SCFD2: variants seen among roughly 807,000 people sequenced by gnomAD.
SCFD2 encodes sec1 family domain containing 2, also known as sec1 family domain-containing protein 2.
SCFD2 carries 54 observed loss-of-function variants against 58.9 expected under a neutral mutation model. The ratio of observed to expected loss-of-function variants is 0.92; its 90% CI spans 0.74 to 1.15. SCFD2 has a LOEUF of 1.15. Among genes scored for constraint, SCFD2 ranks in the 50% most tolerant of loss-of-function variants. The pLI is 0.00. For synonymous variants in SCFD2, 321 were observed against 335.9 expected (o/e 0.96, Z 0.49); for missense variants, 805 against 836.6 (o/e 0.96, Z 0.47).
At chr4:53,004,361 T>C (rs180865319) in intron 5 of SCFD2, among the ~76,000 whole-genome samples, 1 of 152,184 alleles carries the variant, frequency 6.6e-6, no homozygotes, top group African/African-American at 2.4e-5. Flanking sequence ...ACCAGAGAAA[T>C]AGAAAGGTAA....
intron 1 of SCFD2, among the ~76,000 whole-genome samples, chr4:53,363,806 G>A (rs1734618854): frequency 8.0e-6 from 1 of 124,778 alleles, no homozygotes; most frequent in South Asian, 2.6e-4. Flanking sequence ...CAGCCTGGGC[G>A]ACAGAGAGAG....
At chr4:52,919,629 T>A (rs993774128) in intron 6 of SCFD2, among the ~76,000 whole-genome samples, 6 of 152,244 alleles carry the variant, frequency 3.9e-5, no homozygotes, top group Non-Finnish European at 5.9e-5. Flanking sequence ...AGATCTGGCA[T>A]CTGCCCCTGG....
chr4:52,905,101 A>T (rs1344434180), intron 7 of SCFD2, among the ~76,000 whole-genome samples: 1 of 152,260 alleles, frequency 6.6e-6, no homozygotes, highest in Non-Finnish European at 1.5e-5. Context: ...AACAACACGA[A>T]GAAGGCTGGT....
chr4:53,341,038 A>G (rs1186428047), intron 2 of SCFD2, among the ~76,000 whole-genome samples: 1 of 152,224 alleles, frequency 6.6e-6, no homozygotes, highest in Non-Finnish European at 1.5e-5. Context: ...TGAAAATTCT[A>G]AAAATCAGAG....
At chr4:52,910,604 C>T (rs1161813401) in intron 6 of SCFD2, among the ~76,000 whole-genome samples, 1 of 152,120 alleles carries the variant, frequency 6.6e-6, no homozygotes, top group Non-Finnish European at 1.5e-5. Context: ...AACTCATTAG[C>T]AGAATCACAG....
intron 3 of SCFD2, among the ~76,000 whole-genome samples, chr4:53,307,036 A>G (rs1163552389): frequency 6.6e-6 from 1 of 152,206 alleles, no homozygotes; most frequent in East Asian, 1.9e-4. Flanking sequence ...CACCCTCTAA[A>G]TCTCCTGCCT....
At chr4:53,181,191 G>C (rs541409491) in intron 4 of SCFD2, among the ~76,000 whole-genome samples, 13 of 152,310 alleles carry the variant, frequency 8.5e-5, no homozygotes, top group African/African-American at 3.1e-4. Flanking sequence ...AAGCCTGGCA[G>C]AGACACAACC....
At chr4:53,306,965 C>T (rs574238657) in intron 3 of SCFD2, among the ~76,000 whole-genome samples, 9 of 152,216 alleles carry the variant, frequency 5.9e-5, no homozygotes, top group African/African-American at 9.7e-5. Context: ...AAAGATGGCA[C>T]GCCAACTGCA....
chr4:52,950,922 A>G (rs1169341337), intron 5 of SCFD2: 1 of 152,170 alleles, frequency 6.6e-6, no homozygotes, highest in Non-Finnish European at 1.5e-5. Flanking sequence ...TGGCCCTGGA[A>G]AAAGGTGATG....
chr4:53,246,231 G>C (rs1730066635), intron 4 of SCFD2, among the ~76,000 whole-genome samples: 1 of 152,166 alleles, frequency 6.6e-6, no homozygotes, highest in South Asian at 2.1e-4. Flanking sequence ...CATGCTCATG[G>C]ATAGGAAGAA....
chr4:52,893,610 A>G (rs1487818877), intron 7 of SCFD2, among the ~76,000 whole-genome samples: 2 of 152,260 alleles, frequency 1.3e-5, no homozygotes, highest in Middle Eastern at 6.8e-3. Context: ...TGCAGTTACA[A>G]TGTGACCCTG....
chr4:53,244,587 T>G (rs1444449202), intron 4 of SCFD2, among the ~76,000 whole-genome samples: 3 of 152,088 alleles, frequency 2.0e-5, no homozygotes, highest in Non-Finnish European at 4.4e-5. Flanking sequence ...GGGACACAGC[T>G]AAGGCAGTGT....
chr4:53,347,034 T>G (rs980495234), intron 2 of SCFD2, among the ~76,000 whole-genome samples: 4 of 152,236 alleles, frequency 2.6e-5, no homozygotes, highest in Non-Finnish European at 4.4e-5. Context: ...AACTTCTCAC[T>G]GTGTCTCCAG....
At chr4:52,910,573 TTTATTTTA>T (rs1240589634) in intron 6 of SCFD2, among the ~76,000 whole-genome samples, 1 of 152,208 alleles carries the variant, frequency 6.6e-6, no homozygotes, top group East Asian at 1.9e-4. Context: ...CTTACAGTTA[TTTATTTTA>T]TTAGTCTATT....
At chr4:53,291,400 C>T (rs1430664265) in intron 3 of SCFD2, among the ~76,000 whole-genome samples, 5 of 151,958 alleles carry the variant, frequency 3.3e-5, no homozygotes, top group Admixed American at 6.6e-5. Context: ...AATAAAATAA[C>T]TAGAAATACA....
intron 1 of SCFD2, among the ~76,000 whole-genome samples, chr4:53,359,198 T>C (rs1560465162): frequency 6.6e-6 from 1 of 152,216 alleles, no homozygotes; most frequent in Non-Finnish European, 1.5e-5. Flanking sequence ...CAAGTACTTC[T>C]GAATTATTTG....
At chr4:53,294,585 G>T (rs1192212366) in intron 3 of SCFD2, among the ~76,000 whole-genome samples, 1 of 152,128 alleles carries the variant, frequency 6.6e-6, no homozygotes, top group African/African-American at 2.4e-5. Context: ...CCATTCTGTA[G>T]GTTGCCTGTT....
chr4:52,925,084 A>G (rs1719831294), intron 5 of SCFD2, among the ~76,000 whole-genome samples: 1 of 152,116 alleles, frequency 6.6e-6, no homozygotes, highest in African/African-American at 2.4e-5. Context: ...GCTAGGTACT[A>G]TTATCATTCT....
intron 4 of SCFD2, among the ~76,000 whole-genome samples, chr4:53,169,189 A>G (rs984856448): frequency 3.3e-5 from 5 of 152,160 alleles, no homozygotes; most frequent in African/African-American, 1.2e-4. Context: ...CAGCCTGGCC[A>G]ACATGGCGAA....
Sources: gnomAD v4.1 joint callset for allele counts (sites outside exome capture counted in the v4.1 genomes callset) on GRCh38, gnomAD v4.1.1 for gene constraint, MANE v1.5 for transcripts, NCBI Gene and HGNC (gene_info 2026-07-23, HGNC 2026-07-21) for gene names.